The following CRADD variants were observed in gnomAD, a reference collection of about 807,000 sequenced individuals.
CRADD encodes the protein death domain-containing protein CRADD.
A neutral mutation model predicts 15.5 loss-of-function variants in CRADD; 9 were observed. That is an observed-to-expected ratio of 0.58 (90% confidence interval 0.35 to 1.01). The LOEUF (loss-of-function observed/expected upper bound fraction) is 1.01. Among genes scored for constraint, CRADD ranks in the 50% least tolerant of loss-of-function variants. CRADD has a pLI of 0.02. For synonymous variants in CRADD, 118 were observed against 107.6 expected (o/e 1.10, Z -0.60); for missense variants, 227 against 250.3 (o/e 0.91, Z 0.63).
intron 2 of CRADD, among the ~76,000 whole-genome samples, chr12:93,848,471 C>T (rs1958162513): frequency 6.6e-6 from 1 of 152,164 alleles, no homozygotes; most frequent in African/African-American, 2.4e-5. Flanking sequence ...TGACCTGAAT[C>T]CCTGTGATGC....
intron 2 of CRADD, among the ~76,000 whole-genome samples, chr12:93,718,052 C>T (rs536034962): frequency 9.9e-5 from 15 of 152,154 alleles, no homozygotes; most frequent in African/African-American, 3.1e-4. Flanking sequence ...GTTCTTCTAC[C>T]GATATCACAC....
In CRADD at chr12:93,856,076, G is replaced by A. The variant is rs141054032; in HGVS notation, c.299-37974G>A. ...CTGCCTCAGCCTCCCAAAGTGCTGG[G>A]ATTACAGGCGTGAGCCACTGCGCCC... On this transcript the variant is annotated intron_variant, in intron 2 of 2. Coordinates refer to the CRADD transcript ENST00000548483. Among the ~76,000 whole-genome samples, 1,495 of 152,346 alleles carry A rather than the reference G, an allele frequency of 9.8e-3. 23 individuals carry two copies. The highest frequency in any genetic ancestry group is 0.034 in the African/African-American group (1,422 of 41,584).
At chr12:93,846,807 G>C (rs367886376) in intron 2 of CRADD, among the ~76,000 whole-genome samples, 6 of 152,286 alleles carry the variant, frequency 3.9e-5, no homozygotes, top group African/African-American at 7.2e-5. Flanking sequence ...TCTTTGGTTA[G>C]AAGGTTATGC....
intron 2 of CRADD, chr12:93,737,624 T>C (rs1051727607): frequency 6.6e-6 from 1 of 152,124 alleles, no homozygotes; most frequent in Non-Finnish European, 1.5e-5. Flanking sequence ...TGGGATTGGG[T>C]GGTTTCTTTT....
intron 2 of CRADD, among the ~76,000 whole-genome samples, chr12:93,878,080 A>G (rs1958470329): frequency 6.6e-6 from 1 of 152,164 alleles, no homozygotes; most frequent in Admixed American, 6.5e-5. Flanking sequence ...GAATGCTGCC[A>G]GGACTGGGTC....
chr12:93,780,116 G>T (rs1357629734), intron 2 of CRADD, among the ~76,000 whole-genome samples: 5 of 152,160 alleles, frequency 3.3e-5, no homozygotes, highest in Non-Finnish European at 5.9e-5. Flanking sequence ...AGAAAAACAA[G>T]TAAAGGCTAA....
chr12:93,705,732 GA>G (rs995710724), intron 2 of CRADD, among the ~76,000 whole-genome samples: 2 of 151,690 alleles, frequency 1.3e-5, no homozygotes, highest in East Asian at 1.9e-4. Flanking sequence ...TCACTTAAAC[GA>G]AAAAAAACAT....
chr12:93,719,908 A>G (rs577292821), intron 2 of CRADD, among the ~76,000 whole-genome samples: 1 of 151,860 alleles, frequency 6.6e-6, no homozygotes, highest in Admixed American at 6.6e-5. Flanking sequence ...GATTTTTTCC[A>G]TTGATTTCTT....
chr12:93,838,599 T>C (rs17021611), intron 2 of CRADD, among the ~76,000 whole-genome samples: 4,934 of 150,390 alleles, frequency 0.033, 295 homozygotes, highest in African/African-American at 0.11. Flanking sequence ...CATCAGTTTA[T>C]GGTCTACTTC....
intron 2 of CRADD, among the ~76,000 whole-genome samples, chr12:93,809,932 G>GTTAGACTTCTACAAGACTA (rs1957601048): frequency 1.3e-5 from 2 of 152,118 alleles, no homozygotes; most frequent in African/African-American, 4.8e-5. Context: ...TCTACAAGTG[G>GTTAGACTTCTACAAGACTA]CAGCTAAAGC....
intron 2 of CRADD, among the ~76,000 whole-genome samples, chr12:93,805,836 G>T (rs181183715): frequency 6.6e-6 from 1 of 152,124 alleles, no homozygotes; most frequent in East Asian, 1.9e-4. Context: ...ATCTGTCAGA[G>T]GGAAAGAAGG....
intron 2 of CRADD, among the ~76,000 whole-genome samples, chr12:93,809,839 C>T (rs946108520): frequency 1.3e-5 from 2 of 152,174 alleles, no homozygotes; most frequent in Non-Finnish European, 2.9e-5. Context: ...CATAATAGTT[C>T]CATGAATTTA....
intron 2 of CRADD, among the ~76,000 whole-genome samples, chr12:93,831,870 A>C (rs1334562586): frequency 6.6e-6 from 1 of 152,208 alleles, no homozygotes; most frequent in East Asian, 1.9e-4. Flanking sequence ...GGATTCTGTG[A>C]GACAGTCATC....
chr12:93,801,610 G>T (rs931196524), intron 2 of CRADD, among the ~76,000 whole-genome samples: 7 of 152,166 alleles, frequency 4.6e-5, no homozygotes, highest in African/African-American at 1.7e-4. Context: ...TGTTGGCCAG[G>T]CTGGTCTTGA....
At chr12:93,712,766 T>C (rs1413737168) in intron 2 of CRADD, among the ~76,000 whole-genome samples, 3 of 152,216 alleles carry the variant, frequency 2.0e-5, no homozygotes, top group Non-Finnish European at 2.9e-5. Context: ...CTAGGAGCTT[T>C]ATGCTACTTG....
At chr12:93,782,036 A>G (rs1957215970) in intron 2 of CRADD, among the ~76,000 whole-genome samples, 1 of 152,118 alleles carries the variant, frequency 6.6e-6, no homozygotes, top group Admixed American at 6.5e-5. Flanking sequence ...ATAAAGACAC[A>G]TGCACACGTA....
At position 93,813,525 on chromosome 12, in the gene CRADD, TTA is replaced by T. The variant is rs537969070; in HGVS notation, c.299-36441_299-36440del. ...TCCTATGCTTTCTCTCACATTCACA[TTA>T]TATGTGTCAGTTGGAGAAATCTTGA... On this transcript the variant is annotated intron_variant, in intron 2 of 2. Transcript: ENST00000332896. 1.7e-3 allele frequency among the ~76,000 whole-genome samples: 265 copies of T among 152,370 alleles called. 3 individuals carry two copies. Among genetic ancestry groups the T allele is most frequent in the African/African-American group, 6.2e-3 (259 of 41,594 alleles).
chr12:93,833,975 C>T (rs574099022), intron 2 of CRADD, among the ~76,000 whole-genome samples: 42 of 152,300 alleles, frequency 2.8e-4, no homozygotes, highest in East Asian at 7.7e-4. Flanking sequence ...TGAGCAGAAA[C>T]GACCATTATG....
chr12:93,808,595 G>A (rs992840792), intron 2 of CRADD, among the ~76,000 whole-genome samples: 2 of 151,984 alleles, frequency 1.3e-5, no homozygotes, highest in Admixed American at 1.3e-4. Flanking sequence ...GTTTCTCAAG[G>A]AAGCCAATGA....
Sources: gnomAD v4.1 joint callset for allele counts (sites outside exome capture counted in the v4.1 genomes callset) on GRCh38, gnomAD v4.1.1 for gene constraint, MANE v1.5 for transcripts, NCBI Gene and HGNC (gene_info 2026-07-23, HGNC 2026-07-21) for gene names.